Variants in TENM2 observed in about 807,000 individuals in gnomAD.
The protein encoded by TENM2 is teneurin transmembrane protein 2.
In TENM2, 52 loss-of-function variants were observed where a neutral mutation model predicts 245.2. That is an observed-to-expected ratio of 0.21 (90% confidence interval 0.17 to 0.27). The LOEUF (loss-of-function observed/expected upper bound fraction) is 0.27, where lower values mean the gene tolerates loss of function less well. Among genes scored for constraint, TENM2 ranks in the 10% least tolerant of loss-of-function variants. The pLI, the probability that TENM2 is intolerant of heterozygous loss-of-function variation, is 1.00. For missense variants in TENM2, 3,046 were observed against 3,666.8 expected (o/e 0.83, Z 4.37); for synonymous variants, 1,363 against 1,438.9 (o/e 0.95, Z 1.19).
chr5:167,292,747 C>G (rs963007101), intron 1 of TENM2, among the ~76,000 whole-genome samples: 3 of 152,170 alleles, frequency 2.0e-5, no homozygotes, highest in African/African-American at 7.2e-5. Context: ...TAAGATATAA[C>G]AGATATGTAA....
chr5:167,426,494 G>A (rs888553199), intron 2 of TENM2, among the ~76,000 whole-genome samples: 1 of 142,682 alleles, frequency 7.0e-6, no homozygotes, highest in Admixed American at 7.2e-5. Flanking sequence ...AAGATTGCTT[G>A]AGCCCAAGTG....
At chr5:167,217,633 G>A in the TENM2 span, among the ~76,000 whole-genome samples, 1 of 151,046 alleles carries the variant, frequency 6.6e-6, no homozygotes, top group Non-Finnish European at 1.5e-5. Context: ...GAAGGGCAAT[G>A]GAAGTGGTTT....
chr5:168,197,192 A>C (rs1206199372), intron 15 of TENM2, among the ~76,000 whole-genome samples: 2 of 152,248 alleles, frequency 1.3e-5, no homozygotes, highest in African/African-American at 4.8e-5. Context: ...ATTAATAAGT[A>C]AACTATTGTA....
intron 6 of TENM2, among the ~76,000 whole-genome samples, chr5:168,057,901 G>C (rs900061481): frequency 2.7e-5 from 4 of 150,352 alleles, no homozygotes; most frequent in African/African-American, 9.9e-5. Flanking sequence ...AAGAATCATA[G>C]ACAGTTTCAA....
intron 2 of TENM2, among the ~76,000 whole-genome samples, chr5:167,532,364 TA>T: frequency 6.6e-6 from 1 of 152,214 alleles, no homozygotes; most frequent in East Asian, 1.9e-4. Context: ...AATAAAGACA[TA>T]CCCGAGACTG....
intron 1 of TENM2, among the ~76,000 whole-genome samples, chr5:167,300,201 C>T (rs932752242): frequency 1.3e-5 from 2 of 152,032 alleles, no homozygotes; most frequent in South Asian, 2.1e-4. Flanking sequence ...AGGGAGAGCA[C>T]GTGTGTTTTT....
At chr5:167,947,265 A>T (rs964512812) in intron 3 of TENM2, among the ~76,000 whole-genome samples, 1 of 152,234 alleles carries the variant, frequency 6.6e-6, no homozygotes, top group Non-Finnish European at 1.5e-5. Context: ...TATCAGAATG[A>T]TTAATTATAT....
chr5:167,640,904 T>TATATATATATA lies in TENM2; in HGVS notation c.503-235080_503-235079insATATATATAAT, dbSNP rs1561629289. On this transcript the variant is annotated intron_variant, in intron 2 of 28. Transcript: ENST00000518659. ...ATATATATATATATATATATATATA[T>TATATATATATA]ATCTTTCTCTTAAGCTTAGTGGTTC... Among the ~76,000 whole-genome samples the TATATATATATA allele has an allele frequency of 8.8e-5, 10 of 113,470 alleles. 1 individual carries two copies. The highest frequency in any genetic ancestry group is 3.2e-4 in the African/African-American group (10 of 31,454). 74.4% of individuals were successfully genotyped at this position (113,470 alleles called of 152,430 possible).
At chr5:168,245,572 T>TA (rs35630506) in intron 26 of TENM2, among the ~76,000 whole-genome samples, 5,049 of 120,022 alleles carry the variant, frequency 0.042, 92 homozygotes, top group Non-Finnish European at 0.048. Context: ...GGAGTGGCGG[T>TA]AAAAAAAAAA....
chr5:167,881,656 G>C (rs117543787), intron 3 of TENM2, among the ~76,000 whole-genome samples: 33 of 152,258 alleles, frequency 2.2e-4, no homozygotes, highest in Non-Finnish European at 4.0e-4. Flanking sequence ...GACATTCAGA[G>C]CTACCTGCGG....
At chr5:167,059,533 A>G in the TENM2 span, among the ~76,000 whole-genome samples, 3 of 152,172 alleles carry the variant, frequency 2.0e-5, no homozygotes, top group Non-Finnish European at 2.9e-5. Context: ...GTCCTTATGT[A>G]GAAATATACA....
intron 9 of TENM2, among the ~76,000 whole-genome samples, chr5:168,116,862 T>TAC (rs1305258140): frequency 6.6e-6 from 1 of 152,110 alleles, no homozygotes; most frequent in Admixed American, 6.6e-5. Context: ...TAGATGTGTG[T>TAC]ACACACACAT....
intron 1 of TENM2, among the ~76,000 whole-genome samples, chr5:167,314,342 T>C (rs542278118): frequency 6.6e-6 from 1 of 152,154 alleles, no homozygotes; most frequent in African/African-American, 2.4e-5. Flanking sequence ...AGGTTGTTAA[T>C]AAAATGAGGA....
At chr5:167,402,343 C>T (rs951015407) in intron 2 of TENM2, among the ~76,000 whole-genome samples, 1 of 152,064 alleles carries the variant, frequency 6.6e-6, no homozygotes, top group Non-Finnish European at 1.5e-5. Flanking sequence ...AAACATTTAC[C>T]CCTGACAAAT....
At chr5:168,199,028 C>G in exon 16 of TENM2, 1 of 1,613,862 alleles carries the variant, frequency 6.2e-7, no homozygotes. Context: ...TGGCTTTGTC[C>G]GGCCTGATCC....
intron 2 of TENM2, among the ~76,000 whole-genome samples, chr5:167,747,989 G>A (rs974467072): frequency 3.9e-5 from 6 of 152,000 alleles, no homozygotes; most frequent in Admixed American, 6.6e-5. Context: ...GTATGTGATC[G>A]TTTTTCCTGA....
rs147104358 is a variant in TENM2, at chr5:167,541,854, A to G, written c.502+166381A>G. On this transcript the variant is annotated intron_variant, in intron 2 of 28. Transcript: ENST00000518659. ...CAATAATTTGAGAAATAAAATCACA[A>G]TCATAGAAAGCATATAATCATATTC... 2.8e-4 allele frequency among the ~76,000 whole-genome samples: 42 copies of G among 152,330 alleles called. No individual in the cohort carries two copies. In the East Asian group the frequency reaches 7.9e-3, roughly 29 times the overall value.
chr5:167,159,628 T>G, the TENM2 span, among the ~76,000 whole-genome samples: 1 of 152,192 alleles, frequency 6.6e-6, no homozygotes, highest in Non-Finnish European at 1.5e-5. Flanking sequence ...ATTTTAAATT[T>G]AAAAACATCA....
At chr5:167,997,044 G>A (rs1383977332) in intron 5 of TENM2, among the ~76,000 whole-genome samples, 2 of 152,106 alleles carry the variant, frequency 1.3e-5, no homozygotes, top group Non-Finnish European at 2.9e-5. Context: ...CAGCCCATTT[G>A]AAGCACTTTT....
Sources: allele counts gnomAD v4.1 joint callset (sites outside exome capture counted in the v4.1 genomes callset), GRCh38; gene constraint gnomAD v4.1.1; transcripts MANE v1.5; gene names NCBI Gene and HGNC (gene_info 2026-07-23, HGNC 2026-07-21).